Variants in CLSTN2 observed in about 807,000 individuals in gnomAD.
CLSTN2 encodes calsyntenin 2.
CLSTN2 carries 48 observed loss-of-function variants against 101.2 expected under a neutral mutation model. The observed-to-expected ratio is 0.47, with a 90% CI of 0.38 to 0.60. The LOEUF is 0.60. Ranked by LOEUF, CLSTN2 falls within the 20% of genes least tolerant of loss-of-function variation. The probability of loss-of-function intolerance (pLI) is 0.00; values close to 1 mark genes in which losing one functional copy is unlikely to be tolerated. For synonymous variants in CLSTN2, 481 were observed against 463.6 expected, an observed-to-expected ratio of 1.04 and a Z score of -0.48; for missense variants, 1,160 against 1,238.2, an observed-to-expected ratio of 0.94 and a Z score of 0.95.
chr3:140,137,519 T>C (rs1053366625), intron 1 of CLSTN2, among the ~76,000 whole-genome samples: 5 of 152,168 alleles, frequency 3.3e-5, no homozygotes, highest in African/African-American at 1.2e-4. Context: ...CCTCTAGTCA[T>C]GAATGTCTTC....
At chr3:140,113,947 C>T (rs1393512166) in intron 1 of CLSTN2, among the ~76,000 whole-genome samples, 1 of 152,120 alleles carries the variant, frequency 6.6e-6, no homozygotes, top group Non-Finnish European at 1.5e-5. Context: ...GGAAAGCCAC[C>T]AGCTCTGTGG....
chr3:140,135,090 ACAC>A (rs2009587745), intron 1 of CLSTN2, among the ~76,000 whole-genome samples: 12 of 37,702 alleles, frequency 3.2e-4, no homozygotes, highest in Non-Finnish European at 6.2e-4. Context: ...TCAAAAAAAC[ACAC>A]ACACACACAC....
chr3:140,290,833 C>G (rs367662222), intron 2 of CLSTN2, among the ~76,000 whole-genome samples: 5 of 152,332 alleles, frequency 3.3e-5, no homozygotes, highest in African/African-American at 1.2e-4. Context: ...CAGACAACAG[C>G]TCCTTTACCA....
In CLSTN2 at chr3:140,564,163, C is replaced by A. The variant is rs762812171; in HGVS notation, c.2667+18C>A. ...CCATGGAGGTGATCCTCATGCACGG[C>A]TGGGAGTTCTGGGTGGGGTGCTTCT... On this transcript the variant is annotated intron_variant, in intron 16 of 16. Coordinates refer to ENST00000458420, the MANE Select transcript of CLSTN2 (RefSeq NM_022131.3). The A allele has an allele frequency of 9.3e-6, 15 of 1,609,978 alleles. No homozygotes were observed. The highest frequency in any genetic ancestry group is 1.3e-5 in the Non-Finnish European group (15 of 1,177,090).
chr3:140,396,892 G>T (rs1162305945), intron 2 of CLSTN2, among the ~76,000 whole-genome samples: 4 of 152,114 alleles, frequency 2.6e-5, no homozygotes, highest in African/African-American at 4.8e-5. Context: ...TTGGTAAATT[G>T]TAAAAACAGC....
intron 4 of CLSTN2, among the ~76,000 whole-genome samples, chr3:140,408,018 T>C (rs2088323594): frequency 6.6e-6 from 1 of 151,994 alleles, no homozygotes; most frequent in Non-Finnish European, 1.5e-5. Context: ...CAAAGTACAA[T>C]CAGACAGCTA....
intron 2 of CLSTN2, among the ~76,000 whole-genome samples, chr3:140,284,743 C>G (rs1044324741): frequency 6.6e-6 from 1 of 152,090 alleles, no homozygotes; most frequent in Non-Finnish European, 1.5e-5. Context: ...CTCCCTCTGT[C>G]AAAAGCCTGC....
intron 1 of CLSTN2, among the ~76,000 whole-genome samples, chr3:140,073,206 C>G (rs2008424042): frequency 6.6e-6 from 1 of 152,110 alleles, no homozygotes; most frequent in Non-Finnish European, 1.5e-5. Context: ...GAGTTCCTGA[C>G]TACAAGACGA....
At position 140,430,924 on chromosome 3, in the gene CLSTN2, A is replaced by T. The variant is rs2088622440; in HGVS notation, c.787+9650A>T. Among the ~76,000 whole-genome samples, 3 of 152,230 alleles carry T rather than the reference A, an allele frequency of 2.0e-5. No homozygotes were observed. In the South Asian group the frequency reaches 6.2e-4, roughly 32 times the overall value. ...TTCGTATCAGCCTATTCCAGAGGGC[A>T]TCTTACTGTGTCAGAAGAAAGAGGA... On this transcript the variant is annotated intron_variant, in intron 5 of 16. Transcript: ENST00000458420.
At chr3:140,305,570 G>A (rs546345122) in intron 2 of CLSTN2, among the ~76,000 whole-genome samples, 1 of 152,166 alleles carries the variant, frequency 6.6e-6, no homozygotes, top group South Asian at 2.1e-4. Flanking sequence ...TTGGTACCAA[G>A]AAGAACCCTG....
intron 9 of CLSTN2, among the ~76,000 whole-genome samples, chr3:140,542,306 A>G (rs749554167): frequency 1.1e-4 from 16 of 152,224 alleles, no homozygotes; most frequent in Non-Finnish European, 2.1e-4. Context: ...CATGGTTCAC[A>G]TCTTAAATTA....
intron 4 of CLSTN2, 62 bp downstream of exon 4, chr3:140,404,828 A>C (rs1268711944): frequency 7.3e-7 from 1 of 1,378,454 alleles, no homozygotes; most frequent in Non-Finnish European, 1.0e-6. Context: ...TCCACTCTGA[A>C]GACCCAACAT....
intron 10 of CLSTN2, 117 bp downstream of exon 10, chr3:140,546,798 C>T (rs1935596479): frequency 2.0e-6 from 2 of 1,013,874 alleles, no homozygotes; most frequent in South Asian, 1.8e-5. Flanking sequence ...GAAATGGCAA[C>T]AAGGCAAAGG....
At position 140,306,848 on chromosome 3, in the gene CLSTN2, T is replaced by TTTTTTATTATTATTA. The variant is rs767586358; in HGVS notation, c.233-96779_233-96778insTTTATTATTATTATT. 9.9e-4 allele frequency among the ~76,000 whole-genome samples: 141 copies of TTTTTTATTATTATTA among 141,966 alleles called. 2 individuals carry two copies. Among genetic ancestry groups the TTTTTTATTATTATTA allele is most frequent in the Admixed American group, 4.6e-3 (66 of 14,230 alleles). The allele number at this position is 141,966 out of a possible 152,430, so 93.1% of individuals were successfully genotyped here. ...GTGTTCTGGGATCCATTTTTGTCTT[T>TTTTTTATTATTATTA]TTATTATTATTATTATTATTATTAT... On this transcript the variant is annotated intron_variant, in intron 2 of 16. Transcript: ENST00000458420.
intron 8 of CLSTN2, among the ~76,000 whole-genome samples, chr3:140,513,432 C>T (rs146954186): frequency 2.2e-3 from 333 of 152,208 alleles, no homozygotes; most frequent in African/African-American, 7.5e-3. Flanking sequence ...ATAGGTTGAA[C>T]CAAACTTGCA....
chr3:140,542,215 TACTG>T (rs1460608138), intron 9 of CLSTN2, among the ~76,000 whole-genome samples: 1 of 152,226 alleles, frequency 6.6e-6, no homozygotes, highest in Non-Finnish European at 1.5e-5. Flanking sequence ...ACATCTATCA[TACTG>T]GCAATTTACT....
intron 2 of CLSTN2, among the ~76,000 whole-genome samples, chr3:140,234,528 G>T (rs1278529158): frequency 6.6e-6 from 1 of 152,150 alleles, no homozygotes; most frequent in East Asian, 1.9e-4. Flanking sequence ...GTCATGTCAA[G>T]CTCTTATCAC....
chr3:140,428,155 G>T (rs1368568262), intron 5 of CLSTN2, among the ~76,000 whole-genome samples: 1 of 152,100 alleles, frequency 6.6e-6, no homozygotes, highest in Non-Finnish European at 1.5e-5. Context: ...CTAGTTTGGG[G>T]TTTTTCTGTT....
At chr3:140,111,901 C>T (rs2009162024) in intron 1 of CLSTN2, among the ~76,000 whole-genome samples, 1 of 152,144 alleles carries the variant, frequency 6.6e-6, no homozygotes, top group African/African-American at 2.4e-5. Flanking sequence ...GATGATGAAA[C>T]TGAGGTTTAC....
Sources: allele counts gnomAD v4.1 joint callset (sites outside exome capture counted in the v4.1 genomes callset), GRCh38; gene constraint gnomAD v4.1.1; transcripts MANE v1.5; gene names NCBI Gene and HGNC (gene_info 2026-07-23, HGNC 2026-07-21).